Variants in CHCHD6 observed in about 807,000 individuals in gnomAD.
CHCHD6 encodes the protein coiled-coil-helix-coiled-coil-helix domain containing 6.
A neutral mutation model predicts 32.3 loss-of-function variants in CHCHD6; 28 were observed. The observed-to-expected ratio is 0.87, with a 90% CI of 0.64 to 1.19. The LOEUF (loss-of-function observed/expected upper bound fraction) is 1.19. CHCHD6 is among the 50% of genes most tolerant of loss of function. CHCHD6 has a pLI of 0.00. For synonymous variants in CHCHD6, 122 were observed against 117.5 expected, an observed-to-expected ratio of 1.04 and a Z score of -0.25; for missense variants, 333 against 307.0, an observed-to-expected ratio of 1.08 and a Z score of -0.63.
chr3:126,793,951 G>T (rs1938670909), intron 4 of CHCHD6, among the ~76,000 whole-genome samples: 1 of 152,078 alleles, frequency 6.6e-6, no homozygotes, highest in Non-Finnish European at 1.5e-5. Context: ...CATGGTTTCT[G>T]TTGAGAAATT....
chr3:126,858,237 A>G lies in CHCHD6; in HGVS notation c.495+5507A>G, dbSNP rs144267576. Among the ~76,000 whole-genome samples, 15 of 145,148 alleles carry G rather than the reference A, an allele frequency of 1.0e-4. No homozygotes were observed. In the East Asian group the frequency reaches 3.2e-3, roughly 31 times the overall value. ...AGCACAGCACATCTATGGTGTTAGC[A>G]ACTGGGATAACAGTTACCCTTTGGG... On this transcript the variant is annotated intron_variant, in intron 5 of 7. Transcript: ENST00000290913.
intron 4 of CHCHD6, among the ~76,000 whole-genome samples, chr3:126,776,531 G>A (rs950612382): frequency 6.6e-6 from 1 of 152,170 alleles, no homozygotes; most frequent in African/African-American, 2.4e-5. Context: ...TGTTTGGATC[G>A]ATTCTGAATT....
At chr3:126,832,204 C>T (rs1345126094) in intron 4 of CHCHD6, among the ~76,000 whole-genome samples, 1 of 152,130 alleles carries the variant, frequency 6.6e-6, no homozygotes, top group Non-Finnish European at 1.5e-5. Context: ...GGATTCAAAA[C>T]GAGGTCTCTC....
intron 6 of CHCHD6, among the ~76,000 whole-genome samples, chr3:126,915,025 C>T (rs2078149093): frequency 6.6e-6 from 1 of 152,240 alleles, no homozygotes; most frequent in African/African-American, 2.4e-5. Context: ...GTCTGCTGAG[C>T]AGGGGCTCCT....
chr3:126,911,802 C>T (rs2078094853), intron 5 of CHCHD6, among the ~76,000 whole-genome samples: 1 of 152,240 alleles, frequency 6.6e-6, no homozygotes, highest in Admixed American at 6.5e-5. Context: ...AAGCCCACAG[C>T]AGGCCGGGCC....
chr3:126,716,206 C>T (rs987904482), intron 1 of CHCHD6, among the ~76,000 whole-genome samples: 4 of 152,226 alleles, frequency 2.6e-5, no homozygotes, highest in Admixed American at 6.5e-5. Context: ...CAACAGGTGG[C>T]ACTCCAGCAA....
At chr3:126,761,832 G>A (rs1454030010) in intron 4 of CHCHD6, among the ~76,000 whole-genome samples, 1 of 152,120 alleles carries the variant, frequency 6.6e-6, no homozygotes, top group African/African-American at 2.4e-5. Context: ...GATTACTCTT[G>A]TTAAAGTCTT....
chr3:126,751,823 T>G (rs1936736553), intron 4 of CHCHD6, among the ~76,000 whole-genome samples: 1 of 152,120 alleles, frequency 6.6e-6, no homozygotes, highest in Non-Finnish European at 1.5e-5. Context: ...CCCTGGATAG[T>G]CATAAGACTT....
intron 5 of CHCHD6, among the ~76,000 whole-genome samples, chr3:126,857,086 T>G (rs1460084868): frequency 6.6e-6 from 1 of 152,112 alleles, no homozygotes; most frequent in Non-Finnish European, 1.5e-5. Flanking sequence ...TTACTCCACA[T>G]CAATTTAAGT....
intron 4 of CHCHD6, among the ~76,000 whole-genome samples, chr3:126,815,882 C>A (rs1170251671): frequency 6.6e-6 from 1 of 152,218 alleles, no homozygotes; most frequent in East Asian, 1.9e-4. Flanking sequence ...CTCACCTCTG[C>A]TGGAGGCACA....
intron 4 of CHCHD6, among the ~76,000 whole-genome samples, chr3:126,799,988 T>G (rs549893195): frequency 5.1e-4 from 78 of 152,362 alleles, no homozygotes; most frequent in Middle Eastern, 6.8e-3. Context: ...TAATTGGATA[T>G]GCATAATTTA....
At chr3:126,803,920 C>T (rs149735756) in intron 4 of CHCHD6, among the ~76,000 whole-genome samples, 5,066 of 152,194 alleles carry the variant, frequency 0.033, 278 homozygotes, top group African/African-American at 0.12. Flanking sequence ...CACTCAAAAC[C>T]GCTCAACTAC....
chr3:126,745,301 G>A (rs946528805), intron 4 of CHCHD6, among the ~76,000 whole-genome samples: 2 of 152,142 alleles, frequency 1.3e-5, no homozygotes, highest in Non-Finnish European at 2.9e-5. Context: ...GTTACACCTG[G>A]GCTCAGATGC....
intron 5 of CHCHD6, among the ~76,000 whole-genome samples, chr3:126,853,418 C>T (rs1941547316): frequency 3.3e-5 from 5 of 152,108 alleles, no homozygotes; most frequent in Admixed American, 3.3e-4. Flanking sequence ...CCCCCTCATG[C>T]CTGAGACAGC....
At chr3:126,813,222 C>T (rs1313086625) in intron 4 of CHCHD6, among the ~76,000 whole-genome samples, 3 of 152,228 alleles carry the variant, frequency 2.0e-5, no homozygotes, top group Non-Finnish European at 4.4e-5. Context: ...TGCCCCTTTT[C>T]TGAGCCTTGG....
intron 4 of CHCHD6, among the ~76,000 whole-genome samples, chr3:126,851,588 C>G (rs1235723931): frequency 2.0e-5 from 3 of 152,230 alleles, no homozygotes; most frequent in African/African-American, 7.2e-5. Flanking sequence ...AGCTCCCAGG[C>G]CCCTGTGACT....
chr3:126,785,669 C>T (rs531649600), intron 4 of CHCHD6, among the ~76,000 whole-genome samples: 6 of 152,180 alleles, frequency 3.9e-5, no homozygotes, highest in African/African-American at 1.4e-4. Flanking sequence ...GTACATTTAC[C>T]ATGTTTTACA....
At chr3:126,846,219 T>G (rs1941290837) in intron 4 of CHCHD6, among the ~76,000 whole-genome samples, 1 of 152,196 alleles carries the variant, frequency 6.6e-6, no homozygotes, top group Non-Finnish European at 1.5e-5. Flanking sequence ...TAAGGCCGTC[T>G]TTATACAACC....
intron 4 of CHCHD6, among the ~76,000 whole-genome samples, chr3:126,790,308 T>A (rs1390076580): frequency 6.6e-6 from 1 of 152,278 alleles, no homozygotes; most frequent in African/African-American, 2.4e-5. Context: ...GTCTTGGAGT[T>A]GCTCTTCTCG....
Sources: gnomAD v4.1 joint callset for allele counts (sites outside exome capture counted in the v4.1 genomes callset) on GRCh38, gnomAD v4.1.1 for gene constraint, MANE v1.5 for transcripts, NCBI Gene and HGNC (gene_info 2026-07-23, HGNC 2026-07-21) for gene names.